Variants in CCNC observed in about 807,000 individuals in gnomAD.
The protein encoded by CCNC is cyclin C.
In CCNC, 19 loss-of-function variants were observed where a neutral mutation model predicts 50.0. The observed-to-expected ratio is 0.38, with a 90% CI of 0.27 to 0.56. The LOEUF is 0.56. Among genes scored for constraint, CCNC ranks in the 20% least tolerant of loss-of-function variants. CCNC has a pLI of 0.72. For missense variants in CCNC, 200 were observed against 327.1 expected (o/e 0.61, Z 3.00); for synonymous variants, 93 against 103.7 (o/e 0.90, Z 0.63).
Position 99,549,570 on chromosome 6 carries a change from A to G in CCNC, c.536T>C (p.Ile179Thr), listed in dbSNP as rs1048560072. 1 of 1,582,784 alleles carries G rather than the reference A, an allele frequency of 6.3e-7. No homozygotes were observed. Among genetic ancestry groups the G allele is most frequent in the Non-Finnish European group, 8.7e-7 (1 of 1,152,712 alleles). ...EDMLLPLAWR[I>T]VNDTYRTDLC... is the part of the protein sequence containing the mutation. Reference sequence around the variant, plus strand: ...ATCCGTTCTGTAGGTATCATTCACTATCCTCCTATAGAAATGTAAATCATA... The same window carrying G: ...ATCCGTTCTGTAGGTATCATTCACTGTCCTCCTATAGAAATGTAAATCATA... The change falls in exon 9 of 12, where the codon ATA becomes ACA. Residue 179 changes from isoleucine (I) to threonine (T), a missense_variant. Physicochemically the swap from Ile to Thr is moderately conservative, Grantham distance 89. Transcript: ENST00000520429.
intron 1 of CCNC, among the ~76,000 whole-genome samples, chr6:99,565,470 T>A (rs981464436): frequency 2.0e-5 from 3 of 152,086 alleles, no homozygotes; most frequent in African/African-American, 7.2e-5. Flanking sequence ...TAAACCTTTA[T>A]TATTTCTAAT....
At chr6:99,566,681 T>C (rs1769141106) in intron 1 of CCNC, among the ~76,000 whole-genome samples, 2 of 152,260 alleles carry the variant, frequency 1.3e-5, no homozygotes, top group South Asian at 2.1e-4. Flanking sequence ...TTTTATGAGT[T>C]TTCCTCACAG....
intron 11 of CCNC, 186 bp from the exon 12 acceptor site, chr6:99,543,795 T>C: frequency 7.1e-7 from 1 of 1,406,902 alleles, no homozygotes. Context: ...TTTATGTTTT[T>C]ATTCTTATAT....
chr6:99,543,452 G>A lies in CCNC; in HGVS notation c.*103C>T. On this transcript the variant is annotated 3_prime_UTR_variant, in exon 12 of 12. Coordinates refer to ENST00000520429, the MANE Select transcript of CCNC (RefSeq NM_005190.4). ...AAATCACTTTCCAATATGCTTGACA[G>A]AAACAAGCTATTCATTTTCATTTGT... 7.8e-7 allele frequency: 1 copy of A among 1,278,660 alleles called. No homozygotes were observed. Among genetic ancestry groups the A allele is most frequent in the Admixed American group, 1.9e-5 (1 of 52,824 alleles). The allele number at this position is 1,278,660 out of a possible 1,614,324, so 79.2% of individuals were successfully genotyped here. A position where few individuals can be genotyped will look rare whatever the true frequency, so the allele number is the denominator to read the frequency against.
intron 5 of CCNC, 119 bp downstream of exon 5, chr6:99,558,378 G>A (rs1002031061): frequency 6.9e-7 from 1 of 1,459,622 alleles, no homozygotes; most frequent in East Asian, 2.4e-5. Context: ...TTATCCTCAG[G>A]AAATTTAATA....
At chr6:99,553,023 CAG>C in intron 5 of CCNC, among the ~76,000 whole-genome samples, 1 of 144,592 alleles carries the variant, frequency 6.9e-6, no homozygotes, top group African/African-American at 2.6e-5. Context: ...GTCTGGGTGA[CAG>C]TGAGACTCCA....
intron 9 of CCNC, among the ~76,000 whole-genome samples, chr6:99,547,117 A>G (rs1401253919): frequency 1.3e-5 from 2 of 152,176 alleles, no homozygotes; most frequent in African/African-American, 4.8e-5. Flanking sequence ...AATTTTGCCT[A>G]AAACAATTTC....
At chr6:99,548,830 G>C (rs903281643) in intron 9 of CCNC, among the ~76,000 whole-genome samples, 1 of 150,094 alleles carries the variant, frequency 6.7e-6, no homozygotes, top group South Asian at 2.1e-4. Flanking sequence ...AAAATCAATA[G>C]AAGGAAAAGG....
At chr6:99,566,010 A>G (rs972483933) in intron 1 of CCNC, among the ~76,000 whole-genome samples, 11 of 152,036 alleles carry the variant, frequency 7.2e-5, no homozygotes, top group Admixed American at 5.2e-4. Context: ...TGAAAGATGG[A>G]AAGTATTTAC....
At chr6:99,547,381 CAT>C (rs766448567) in intron 9 of CCNC, among the ~76,000 whole-genome samples, 1 of 151,388 alleles carries the variant, frequency 6.6e-6, no homozygotes, top group Non-Finnish European at 1.5e-5. Context: ...CATGGGCATG[CAT>C]AGAGTACACT....
At chr6:99,562,061 A>C (rs1802802464) in intron 2 of CCNC, 1 of 153,660 alleles carries the variant, frequency 6.5e-6, no homozygotes, top group African/African-American at 2.4e-5. Context: ...TAATACTACC[A>C]CTTTTTTTGT....
intron 1 of CCNC, 139 bp from the exon 2 acceptor site, chr6:99,563,087 C>T (rs958911101): frequency 8.7e-5 from 53 of 609,740 alleles, no homozygotes; most frequent in Middle Eastern, 6.3e-4. Flanking sequence ...TTTCTTGAAA[C>T]GTGACTAATA....
chr6:99,562,894 T>A lies in CCNC; in HGVS notation c.87A>T (p.Leu29Phe). 1 of 1,606,726 alleles carries A rather than the reference T, an allele frequency of 6.2e-7. No individual in the cohort carries two copies. The highest frequency in any genetic ancestry group is 8.5e-7 in the Non-Finnish European group (1 of 1,177,938). The change falls in exon 2 of 12, where the codon TTA (leucine) becomes TTT (phenylalanine). Residue 29 changes from leucine to phenylalanine, a missense_variant. Leu to Phe is a conservative substitution (Grantham distance 22, BLOSUM62 0). Transcript: ENST00000520429. ...QDLLKERQKD[L>F]KFLSEEEYWK... Reference sequence around the variant, plus strand: ...AATATTCTTCCTCTGAGAGAAACTTTAAATCCTTTTGGCGCTCCTTCAACA... The same window carrying A: ...AATATTCTTCCTCTGAGAGAAACTTAAAATCCTTTTGGCGCTCCTTCAACA...
chr6:99,564,422 CA>C (rs11345511), intron 1 of CCNC, among the ~76,000 whole-genome samples: 29,705 of 97,154 alleles, frequency 0.31, 3,144 homozygotes, highest in African/African-American at 0.42. Context: ...GAGACTCTGT[CA>C]AAAAAAAAAA....
chr6:99,545,311 C>T (rs1025145338), intron 10 of CCNC, 81 bp from the exon 11 acceptor site: 1 of 731,760 alleles, frequency 1.4e-6, no homozygotes, highest in Non-Finnish European at 2.4e-6. Flanking sequence ...CACTACACAA[C>T]CCTCAGAAAA....
intron 1 of CCNC, among the ~76,000 whole-genome samples, chr6:99,567,328 T>C (rs1273207811): frequency 2.6e-5 from 4 of 152,082 alleles, no homozygotes; most frequent in Non-Finnish European, 5.9e-5. Flanking sequence ...ACCTAAACTT[T>C]CGATACTTTA....
At position 99,558,299 on chromosome 6, in the gene CCNC, A is replaced by G. The variant is rs1017144008; in HGVS notation, c.346+198T>C. The G allele has an allele frequency of 1.6e-5, 10 of 635,892 alleles. No homozygotes were observed. In the African/African-American group the frequency reaches 1.7e-4, roughly 11 times the overall value. The allele number at this position is 635,892 out of a possible 1,614,324, so 39.4% of individuals were successfully genotyped here. ...ACTATCCATTTTAACATTAAAAGTA[A>G]TATCTTTATATCTTTTTAAAAAAAA... On this transcript the variant is annotated intron_variant, in intron 5 of 11. Transcript: ENST00000520429.
At chr6:99,547,011 AT>A (rs1802097235) in intron 9 of CCNC, among the ~76,000 whole-genome samples, 1 of 152,196 alleles carries the variant, frequency 6.6e-6, no homozygotes, top group African/African-American at 2.4e-5. Flanking sequence ...TTGTAATCAA[AT>A]AAAGGTTAGA....
intron 10 of CCNC, among the ~76,000 whole-genome samples, chr6:99,545,480 A>G (rs1352226493): frequency 6.6e-6 from 1 of 152,184 alleles, no homozygotes; most frequent in African/African-American, 2.4e-5. Flanking sequence ...ATCTGATGGT[A>G]TCTTTTAAAC....
Sources: allele counts gnomAD v4.1 joint callset (sites outside exome capture counted in the v4.1 genomes callset), GRCh38; gene constraint gnomAD v4.1.1; transcripts MANE v1.5; gene names NCBI Gene and HGNC (gene_info 2026-07-23, HGNC 2026-07-21).